MEGF10: variants seen among roughly 807,000 people sequenced by gnomAD.
MEGF10 encodes multiple EGF like domains 10, also known as multiple epidermal growth factor-like domains protein 10.
A neutral mutation model predicts 147.5 loss-of-function variants in MEGF10; 86 were observed. The observed-to-expected ratio is 0.58, with a 90% CI of 0.49 to 0.70. The LOEUF (loss-of-function observed/expected upper bound fraction) is 0.70, where lower values mean the gene tolerates loss of function less well. MEGF10 is among the 30% of genes least tolerant of loss of function. The probability of loss-of-function intolerance (pLI) is 0.00; values close to 1 mark genes in which losing one functional copy is unlikely to be tolerated. For synonymous variants in MEGF10, 478 were observed against 525.5 expected, an observed-to-expected ratio of 0.91 and a Z score of 1.24; for missense variants, 1,329 against 1,487.3, an observed-to-expected ratio of 0.89 and a Z score of 1.75.
At chr5:127,327,923 G>T (rs1472403127) in intron 1 of MEGF10, among the ~76,000 whole-genome samples, 1 of 151,904 alleles carries the variant, frequency 6.6e-6, no homozygotes, top group Non-Finnish European at 1.5e-5. Flanking sequence ...CACCATGTTG[G>T]CCAGGGTGGT....
intron 2 of MEGF10, among the ~76,000 whole-genome samples, chr5:127,332,561 T>G (rs1221374204): frequency 6.6e-6 from 1 of 152,154 alleles, no homozygotes; most frequent in Admixed American, 6.6e-5. Context: ...ATTGGTAGTG[T>G]TACAAGCAGG....
the MEGF10 span, among the ~76,000 whole-genome samples, chr5:127,251,942 T>C: frequency 4.1e-4 from 63 of 151,858 alleles, no homozygotes; most frequent in East Asian, 3.1e-3. Flanking sequence ...ATCCCTCCAA[T>C]AGAAAAATGA....
chr5:127,317,771 G>A (rs1325142457), intron 1 of MEGF10, among the ~76,000 whole-genome samples: 1 of 152,138 alleles, frequency 6.6e-6, no homozygotes, highest in African/African-American at 2.4e-5. Flanking sequence ...TCATGGGGGA[G>A]GGATAGCATT....
chr5:127,292,383 C>G (rs1199294595), intron 1 of MEGF10, among the ~76,000 whole-genome samples: 2 of 152,226 alleles, frequency 1.3e-5, no homozygotes, highest in African/African-American at 4.8e-5. Context: ...GAAGGACTAA[C>G]AAGCCTGACA....
intron 7 of MEGF10, among the ~76,000 whole-genome samples, chr5:127,402,008 A>G (rs1488198502): frequency 6.6e-6 from 1 of 152,198 alleles, no homozygotes; most frequent in Admixed American, 6.5e-5. Flanking sequence ...CGGCAATGTG[A>G]TTGTTAATTC....
chr5:127,301,825 G>A (rs560360046), intron 1 of MEGF10, among the ~76,000 whole-genome samples: 1 of 152,210 alleles, frequency 6.6e-6, no homozygotes, highest in East Asian at 1.9e-4. Flanking sequence ...GTTAAAATAG[G>A]GAAGAATAAT....
chr5:127,445,366 G>A, intron 19 of MEGF10, 91 bp from the exon 20 acceptor site: 2 of 863,450 alleles, frequency 2.3e-6, no homozygotes, highest in Non-Finnish European at 3.8e-6. Context: ...AAATATGCAG[G>A]CATTAGCACA....
At chr5:127,282,336 G>C in the MEGF10 span, among the ~76,000 whole-genome samples, 1 of 152,130 alleles carries the variant, frequency 6.6e-6, no homozygotes, top group African/African-American at 2.4e-5. Context: ...ATAGGGGTTG[G>C]GGTAGCTGCA....
At chr5:127,246,985 A>AATATATATATATATATATAT in the MEGF10 span, among the ~76,000 whole-genome samples, 953 of 104,068 alleles carry the variant, frequency 9.2e-3, 34 homozygotes, top group South Asian at 0.024. Context: ...GTATAAAAAG[A>AATATATATATATATATATAT]ATATATATAT....
chr5:127,452,185 C>T (rs567915310), intron 22 of MEGF10, among the ~76,000 whole-genome samples: 1 of 152,330 alleles, frequency 6.6e-6, no homozygotes, highest in East Asian at 1.9e-4. Flanking sequence ...GCAGGGGTGT[C>T]TGGCCTCATA....
chr5:127,265,496 C>G, the MEGF10 span, among the ~76,000 whole-genome samples: 1 of 152,150 alleles, frequency 6.6e-6, no homozygotes, highest in Non-Finnish European at 1.5e-5. Context: ...AATTACCACA[C>G]TGTCTTCCAC....
chr5:127,408,073 T>C (rs1395937116), intron 8 of MEGF10, among the ~76,000 whole-genome samples: 1 of 152,186 alleles, frequency 6.6e-6, no homozygotes, highest in East Asian at 1.9e-4. Flanking sequence ...GTTAGAAAGG[T>C]AAATGTGGGT....
chr5:127,273,977 C>T, the MEGF10 span, among the ~76,000 whole-genome samples: 1 of 152,140 alleles, frequency 6.6e-6, no homozygotes, highest in Non-Finnish European at 1.5e-5. Context: ...GACCATGTGA[C>T]CTTAATGAAC....
Position 127,434,727 on chromosome 5 carries a change from A to G in MEGF10, c.1881A>G (p.Thr627=), listed in dbSNP as rs747981181. ...PGFYGHRCSQ[T]CPQCVHSSGP... ...TTTATGGGCATCGCTGCAGCCAGAC[A>G]TGCCCACAGTGCGTTCACAGCAGCG... The change falls in exon 15 of 25, where the codon ACA becomes ACG. Residue 627 remains threonine, a synonymous_variant. Coordinates refer to ENST00000503335, the MANE Select transcript of MEGF10 (RefSeq NM_001256545.2). The G allele has an allele frequency of 6.2e-7, 1 of 1,613,976 alleles. No homozygotes were observed. The highest frequency in any genetic ancestry group is 8.5e-7 in the Non-Finnish European group (1 of 1,179,970).
chr5:127,367,906 C>T (rs551347368), intron 4 of MEGF10, among the ~76,000 whole-genome samples: 31 of 152,266 alleles, frequency 2.0e-4, no homozygotes, highest in African/African-American at 6.7e-4. Context: ...ACCCATGCTG[C>T]CATTTAACAC....
chr5:127,427,214 G>T (rs922753056), intron 13 of MEGF10, among the ~76,000 whole-genome samples: 16 of 152,150 alleles, frequency 1.1e-4, no homozygotes, highest in African/African-American at 3.9e-4. Context: ...GTTACGGTCT[G>T]CATAGTGGCA....
At chr5:127,244,995 G>A in the MEGF10 span, among the ~76,000 whole-genome samples, 6,517 of 152,114 alleles carry the variant, frequency 0.043, 228 homozygotes, top group Middle Eastern at 0.099. Flanking sequence ...GCTCATGGAT[G>A]GGAAGAATCA....
chr5:127,285,830 G>T (rs950232851), upstream of MEGF10, among the ~76,000 whole-genome samples: 4 of 152,114 alleles, frequency 2.6e-5, no homozygotes, highest in Admixed American at 1.3e-4. Context: ...CAAAGGAAGT[G>T]AAATCAATGT....
chr5:127,447,834 C>A, intron 21 of MEGF10, 150 bp downstream of exon 21: 1 of 1,059,226 alleles, frequency 9.4e-7, no homozygotes, highest in South Asian at 1.8e-5. Flanking sequence ...TCTGAGTGTG[C>A]TTTGGGAATC....
Sources: allele counts gnomAD v4.1 joint callset (sites outside exome capture counted in the v4.1 genomes callset), GRCh38; gene constraint gnomAD v4.1.1; transcripts MANE v1.5; gene names NCBI Gene and HGNC (gene_info 2026-07-23, HGNC 2026-07-21).